ANK2: variants seen among roughly 807,000 people sequenced by gnomAD.
ANK2 encodes the protein ankyrin 2.
Under a neutral mutation model 360.5 loss-of-function variants are expected in ANK2, and 83 were observed. That is an observed-to-expected ratio of 0.23 (90% confidence interval 0.19 to 0.28). The LOEUF (loss-of-function observed/expected upper bound fraction) is 0.28. ANK2 is among the 10% of genes least tolerant of loss of function. The pLI is 1.00. For missense variants in ANK2, 4,201 were observed against 4,795.7 expected (o/e 0.88, Z 3.66); for synonymous variants, 1,740 against 1,759.5 (o/e 0.99, Z 0.28).
intron 1 of ANK2, among the ~76,000 whole-genome samples, chr4:113,074,907 T>A (rs74557413): frequency 1.5e-4 from 23 of 152,356 alleles, no homozygotes; most frequent in African/African-American, 5.3e-4. Flanking sequence ...TAAAAGTTAC[T>A]CTTAAAACAA....
At chr4:113,373,258 A>G (rs2154074176) in intron 44 of ANK2, 27 bp from the exon 45 acceptor site, 1 of 1,613,948 alleles carries the variant, frequency 6.2e-7, no homozygotes, top group Non-Finnish European at 8.5e-7. Flanking sequence ...ACACAAAAAT[A>G]AGATACACAA....
At chr4:112,738,860 C>G in the ANK2 span, 4 of 652,694 alleles carry the variant, frequency 6.1e-6, no homozygotes, top group Admixed American at 1.8e-5. Flanking sequence ...ATGGGAGCAA[C>G]AACAACAAAC....
At position 113,089,811 on chromosome 4, in the gene ANK2, C is replaced by T. The variant is rs186815551; in HGVS notation, c.84+39999C>T. Among the ~76,000 whole-genome samples the T allele has an allele frequency of 3.1e-3, 471 of 151,354 alleles. 2 individuals are homozygous for T. Among genetic ancestry groups the T allele is most frequent in the Non-Finnish European group, 4.6e-3 (311 of 67,922 alleles). On this transcript the variant is annotated intron_variant, in intron 1 of 45. Coordinates refer to ENST00000357077, the MANE Select transcript of ANK2 (RefSeq NM_001148.6). ...TGCACTCCAGCCTAGGTAACAAGAG[C>T]GAATCTCTGTCTCAGAAAAAATTAA... is the stretch of plus-strand genomic sequence containing the variant.
At chr4:113,342,000 A>G in intron 33 of ANK2, 84 bp downstream of exon 33, 2 of 1,250,980 alleles carry the variant, frequency 1.6e-6, no homozygotes, top group South Asian at 2.6e-5. Flanking sequence ...ATCATTTAAT[A>G]AATAGAATAA....
chr4:112,724,063 TC>T, the ANK2 span, among the ~76,000 whole-genome samples: 11 of 150,406 alleles, frequency 7.3e-5, no homozygotes, highest in African/African-American at 2.7e-4. Context: ...ACAGGAAAAA[TC>T]TTTTTTTTTT....
intron 1 of ANK2, among the ~76,000 whole-genome samples, chr4:113,117,953 A>G (rs2094992140): frequency 6.6e-6 from 1 of 152,176 alleles, no homozygotes; most frequent in Non-Finnish European, 1.5e-5. Flanking sequence ...CACTAAGAAT[A>G]TTGGTGCAGT....
At chr4:113,297,825 C>T (rs1587574712) in intron 22 of ANK2, among the ~76,000 whole-genome samples, 1 of 151,962 alleles carries the variant, frequency 6.6e-6, no homozygotes, top group East Asian at 1.9e-4. Flanking sequence ...CACGCTGTTG[C>T]CCAGGCTGAA....
chr4:112,792,696 C>T, the ANK2 span, among the ~76,000 whole-genome samples: 1 of 152,180 alleles, frequency 6.6e-6, no homozygotes, highest in South Asian at 2.1e-4. Context: ...TCATCTGATA[C>T]AAGGTATGTA....
chr4:112,848,499 C>T (rs1025084441), intron 1 of ANK2, among the ~76,000 whole-genome samples: 7 of 152,112 alleles, frequency 4.6e-5, no homozygotes, highest in Admixed American at 2.0e-4. Context: ...CATAAAGTAC[C>T]GAGGCCATAG....
At chr4:113,215,019 A>C (rs1014665821) in intron 4 of ANK2, among the ~76,000 whole-genome samples, 2 of 152,172 alleles carry the variant, frequency 1.3e-5, no homozygotes, top group African/African-American at 2.4e-5. Flanking sequence ...AATCTTTTAA[A>C]TCATACCCCT....
rs142469869 is a variant in ANK2, at chr4:113,340,120, T to C, written c.3893+798T>C. ...CAACTATTGAGTCCGCAGTTCTGTG[T>C]TTCAATGTGTTTTGCCAATTTAGCA... On this transcript the variant is annotated intron_variant, in intron 32 of 45. Transcript: ENST00000357077. Among the ~76,000 whole-genome samples the C allele has an allele frequency of 2.3e-3, 355 of 152,318 alleles. 1 individual carries two copies. Among genetic ancestry groups the C allele is most frequent in the East Asian group, 0.012 (62 of 5,188 alleles).
At chr4:112,788,804 C>G in the ANK2 span, 1 of 1,186,496 alleles carries the variant, frequency 8.4e-7, no homozygotes, top group East Asian at 2.4e-5. Flanking sequence ...TCACCACTTT[C>G]TTAGCCTCCT....
rs777408433 is a variant in ANK2 at position 113,369,778 on chromosome 4, A to G, written c.11583A>G (p.Arg3861=). ...ATAACCAGCCTGAGACCTGTGAAAG[A>G]CTCGATGAAGATGCAGCTTTTGAAA... ...SADNQPETCE[R]LDEDAAFEKG... Residue 3861 remains arginine (R), a synonymous_variant, in exon 43 of 46, where the codon AGA becomes AGG. Transcript: ENST00000357077. The G allele has an allele frequency of 4.3e-6, 7 of 1,613,880 alleles. No homozygotes were observed. Among genetic ancestry groups the G allele is most frequent in the Middle Eastern group, 1.6e-4 (1 of 6,084 alleles).
At chr4:113,298,268 G>A (rs1587589534) in intron 22 of ANK2, among the ~76,000 whole-genome samples, 1 of 152,182 alleles carries the variant, frequency 6.6e-6, no homozygotes, top group African/African-American at 2.4e-5. Flanking sequence ...AGTTATTAAA[G>A]TTATATTAAT....
At position 113,272,590 on chromosome 4, in the gene ANK2, G is replaced by GA. The variant is rs547545754; in HGVS notation, c.1486-1856dup. Among the ~76,000 whole-genome samples, 9 of 151,940 alleles carry GA rather than the reference G, an allele frequency of 5.9e-5. No individual in the cohort carries two copies. The South Asian group carries it at 1.0e-3, about 18-fold the overall frequency. On this transcript the variant is annotated intron_variant, in intron 14 of 45. Transcript: ENST00000357077. Reference sequence around the variant, plus strand: ...TTCAGGTAAAGCTTTAGCAAAAATGGAAAAAAGTAGGCAAGACATCCTATT... The same window carrying GA: ...TTCAGGTAAAGCTTTAGCAAAAATGGAAAAAAAGTAGGCAAGACATCCTATT...
At chr4:113,199,593 G>A (rs776189933) in intron 4 of ANK2, among the ~76,000 whole-genome samples, 1 of 151,836 alleles carries the variant, frequency 6.6e-6, no homozygotes, top group Non-Finnish European at 1.5e-5. Context: ...GTTTTAAAAT[G>A]AAATTAAGAA....
chr4:112,861,513 C>G (rs746857355), intron 1 of ANK2, among the ~76,000 whole-genome samples: 8 of 152,176 alleles, frequency 5.3e-5, no homozygotes, highest in Non-Finnish European at 1.2e-4. Context: ...CTTGAGTACA[C>G]AGACTTTGGA....
At chr4:112,718,501 A>T in the ANK2 span, among the ~76,000 whole-genome samples, 1 of 152,026 alleles carries the variant, frequency 6.6e-6, no homozygotes, top group Non-Finnish European at 1.5e-5. Flanking sequence ...TTTCATAGAG[A>T]CATGGTTTCA....
chr4:112,828,997 C>G (rs1178879624), intron 1 of ANK2, among the ~76,000 whole-genome samples: 1 of 151,934 alleles, frequency 6.6e-6, no homozygotes, highest in East Asian at 1.9e-4. Context: ...CTACTAAAAG[C>G]AAAACAAAAA....
Sources: allele counts gnomAD v4.1 joint callset (sites outside exome capture counted in the v4.1 genomes callset), GRCh38; gene constraint gnomAD v4.1.1; transcripts MANE v1.5; gene names NCBI Gene and HGNC (gene_info 2026-07-23, HGNC 2026-07-21).